The following TCF4 variants were observed in gnomAD, a reference collection of about 807,000 sequenced individuals.
The protein encoded by TCF4 is transcription factor 4.
Under a neutral mutation model 82.1 loss-of-function variants are expected in TCF4, and 3 were observed. That is an observed-to-expected ratio of 0.04 (90% CI 0.02 to 0.09). The LOEUF (loss-of-function observed/expected upper bound fraction) is 0.09, where lower values mean the gene tolerates loss of function less well. Ranked by LOEUF, TCF4 falls within the 10% of genes least tolerant of loss-of-function variation. The pLI is 1.00. For missense variants in TCF4, 518 were observed against 852.7 expected (o/e 0.61, Z 4.89); for synonymous variants, 276 against 309.6 (o/e 0.89, Z 1.14).
At chr18:55,281,430 A>T (rs879656350) in intron 8 of TCF4, among the ~76,000 whole-genome samples, 1 of 152,174 alleles carries the variant, frequency 6.6e-6, no homozygotes, top group African/African-American at 2.4e-5. Flanking sequence ...TGACTATAAT[A>T]TATCTACACG....
chr18:55,313,957 C>T (rs2147271201), intron 8 of TCF4, among the ~76,000 whole-genome samples: 1 of 152,168 alleles, frequency 6.6e-6, no homozygotes, highest in South Asian at 2.1e-4. Flanking sequence ...CTTACAAATT[C>T]ACAGAGTAGA....
chr18:55,269,347 G>A (rs923153264), intron 11 of TCF4: 1 of 191,508 alleles, frequency 5.2e-6, no homozygotes, highest in African/African-American at 2.3e-5. Flanking sequence ...CATTCTCCAG[G>A]AGATTAACCT....
chr18:55,621,421 A>G (rs201246264), intron 2 of TCF4, among the ~76,000 whole-genome samples: 3 of 72,676 alleles, frequency 4.1e-5, no homozygotes, highest in Non-Finnish European at 7.9e-5. Flanking sequence ...TATATATATT[A>G]TATATAATAT....
At chr18:55,354,710 C>T (rs1468306834) in intron 6 of TCF4, among the ~76,000 whole-genome samples, 2 of 152,096 alleles carry the variant, frequency 1.3e-5, no homozygotes, top group African/African-American at 4.8e-5. Flanking sequence ...ATTATATTTA[C>T]ACTTAATTAT....
chr18:55,381,203 G>A (rs2091848971), intron 6 of TCF4, among the ~76,000 whole-genome samples: 1 of 152,184 alleles, frequency 6.6e-6, no homozygotes, highest in African/African-American at 2.4e-5. Context: ...AATAATAAGT[G>A]AATATGTATT....
intron 5 of TCF4, among the ~76,000 whole-genome samples, chr18:55,413,861 T>A (rs928081228): frequency 6.6e-6 from 1 of 152,204 alleles, no homozygotes; most frequent in African/African-American, 2.4e-5. Context: ...AAAATTATCA[T>A]CTGAATAGTG....
intron 6 of TCF4, among the ~76,000 whole-genome samples, chr18:55,367,448 A>G (rs2087512034): frequency 6.6e-6 from 1 of 152,226 alleles, no homozygotes; most frequent in Non-Finnish European, 1.5e-5. Context: ...ATAATGTATC[A>G]AGAACATTTT....
chr18:55,423,262 T>C (rs895564133), intron 5 of TCF4, among the ~76,000 whole-genome samples: 8 of 151,886 alleles, frequency 5.3e-5, no homozygotes, highest in Admixed American at 3.9e-4. Flanking sequence ...TTGGCTCCGT[T>C]ACAAAAAAAA....
chr18:55,438,658 T>C (rs143941456), intron 5 of TCF4, among the ~76,000 whole-genome samples: 1 of 152,286 alleles, frequency 6.6e-6, no homozygotes, highest in African/African-American at 2.4e-5. Context: ...GCACTGGAGA[T>C]TAATTTTACC....
intron 3 of TCF4, among the ~76,000 whole-genome samples, chr18:55,472,273 T>C (rs972822939): frequency 2.6e-5 from 4 of 152,334 alleles, no homozygotes; most frequent in Non-Finnish European, 4.4e-5. Flanking sequence ...GTTCCTTATA[T>C]TGAAACTCAG....
At chr18:55,420,227 A>C (rs1355829509) in intron 5 of TCF4, among the ~76,000 whole-genome samples, 1 of 152,186 alleles carries the variant, frequency 6.6e-6, no homozygotes, top group East Asian at 1.9e-4. Flanking sequence ...AAAGGAATAC[A>C]CCAGGGGAGA....
chr18:55,278,751 G>C (rs1366768656), intron 9 of TCF4, among the ~76,000 whole-genome samples: 1 of 152,014 alleles, frequency 6.6e-6, no homozygotes, highest in Non-Finnish European at 1.5e-5. Flanking sequence ...TGTATTTTTA[G>C]TACAGACAGG....
intron 6 of TCF4, among the ~76,000 whole-genome samples, chr18:55,369,198 G>A (rs1245632998): frequency 6.6e-6 from 1 of 152,098 alleles, no homozygotes; most frequent in South Asian, 2.1e-4. Flanking sequence ...AGTTTGACAT[G>A]TCAATAACAT....
intron 3 of TCF4, among the ~76,000 whole-genome samples, chr18:55,570,451 C>T (rs2097452869): frequency 1.3e-5 from 2 of 152,140 alleles, no homozygotes; most frequent in African/African-American, 4.8e-5. Flanking sequence ...ATATCAAGAA[C>T]ACCTAGAAAT....
At chr18:55,401,913 A>G (rs530790735) in intron 6 of TCF4, 1 of 843,926 alleles carries the variant, frequency 1.2e-6, no homozygotes, top group African/African-American at 1.8e-5. Context: ...TTCTCCCCAA[A>G]ACTCTAATGA....
intron 2 of TCF4, among the ~76,000 whole-genome samples, chr18:55,621,997 ATATATACACTATATATAT>A (rs1568501934): frequency 1.5e-4 from 19 of 129,072 alleles, no homozygotes; most frequent in African/African-American, 2.5e-4. Context: ...ACTATATATT[ATATATACACTATATATAT>A]TATATACACT....
intron 3 of TCF4, among the ~76,000 whole-genome samples, chr18:55,501,956 T>A (rs949920354): frequency 3.3e-5 from 5 of 152,106 alleles, no homozygotes; most frequent in African/African-American, 1.2e-4. Context: ...TGGTGATAGA[T>A]AAGTAGCAAC....
At chr18:55,455,668 G>A (rs2095735858) in intron 5 of TCF4, among the ~76,000 whole-genome samples, 1 of 152,164 alleles carries the variant, frequency 6.6e-6, no homozygotes, top group Middle Eastern at 3.4e-3. Flanking sequence ...TATATTCACA[G>A]TTCCGTTCTT....
chr18:55,298,561 C>T (rs959792217), intron 8 of TCF4, among the ~76,000 whole-genome samples: 2 of 152,146 alleles, frequency 1.3e-5, no homozygotes, highest in African/African-American at 4.8e-5. Flanking sequence ...ACTCTTCAAA[C>T]GTAGCTAATA....
Sources: gnomAD v4.1 joint callset for allele counts (sites outside exome capture counted in the v4.1 genomes callset) on GRCh38, gnomAD v4.1.1 for gene constraint, MANE v1.5 for transcripts, NCBI Gene and HGNC (gene_info 2026-07-23, HGNC 2026-07-21) for gene names.